Variants in PTPRT observed in about 807,000 individuals in gnomAD.
PTPRT encodes the protein receptor-type tyrosine-protein phosphatase T.
Under a neutral mutation model 176.8 loss-of-function variants are expected in PTPRT, and 56 were observed. That is an observed-to-expected ratio of 0.32 (90% confidence interval 0.26 to 0.40). PTPRT has a LOEUF of 0.40. PTPRT is among the 10% of genes least tolerant of loss of function. The pLI is 1.00. For missense variants in PTPRT, 1,540 were observed against 1,908.2 expected, an observed-to-expected ratio of 0.81 and a Z score of 3.60; for synonymous variants, 783 against 739.0, an observed-to-expected ratio of 1.06 and a Z score of -0.96.
rs2014593893 is a variant in PTPRT at position 43,158,577 on chromosome 20, TC to T, written c.88+31068del. Among the ~76,000 whole-genome samples the T allele has an allele frequency of 2.0e-5, 3 of 152,140 alleles. No individual in the cohort carries two copies. In the South Asian group the frequency reaches 6.2e-4, roughly 31 times the overall value. ...TTCATCTCCCCCATTCTGTTCGTGCTCCCATCAAAACTTCCTATGACCCCAA... is the reference window on the plus strand; with the variant it reads ...TTCATCTCCCCCATTCTGTTCGTGCTCCATCAAAACTTCCTATGACCCCAA... On this transcript the variant is annotated intron_variant, in intron 1 of 30. Coordinates refer to ENST00000373187, the MANE Select transcript of PTPRT (RefSeq NM_007050.6).
intron 9 of PTPRT, among the ~76,000 whole-genome samples, chr20:42,352,693 T>C (rs561988539): frequency 2.0e-4 from 30 of 152,306 alleles, no homozygotes; most frequent in Non-Finnish European, 3.1e-4. Flanking sequence ...AATTTAACTG[T>C]ACATTTTAAA....
At chr20:42,932,037 C>A (rs1264190448) in intron 1 of PTPRT, among the ~76,000 whole-genome samples, 1 of 152,206 alleles carries the variant, frequency 6.6e-6, no homozygotes, top group African/African-American at 2.4e-5. Flanking sequence ...ATGCCACACA[C>A]GGGCCTGGCT....
chr20:42,280,529 A>C (rs959406572), intron 13 of PTPRT, among the ~76,000 whole-genome samples: 1 of 152,188 alleles, frequency 6.6e-6, no homozygotes, highest in African/African-American at 2.4e-5. Context: ...GGGCTTGGAC[A>C]GCTGGGCATT....
intron 1 of PTPRT, among the ~76,000 whole-genome samples, chr20:42,967,479 A>G (rs1304041884): frequency 6.6e-6 from 1 of 152,154 alleles, no homozygotes; most frequent in Non-Finnish European, 1.5e-5. Context: ...GAACGCTGAC[A>G]GCCACCAGAA....
At chr20:42,309,083 G>C (rs368224835) in intron 12 of PTPRT, among the ~76,000 whole-genome samples, 2 of 152,108 alleles carry the variant, frequency 1.3e-5, no homozygotes, top group African/African-American at 4.8e-5. Context: ...CATCATCCAG[G>C]TTAAATGTAC....
intron 7 of PTPRT, among the ~76,000 whole-genome samples, chr20:42,622,130 G>T (rs1247837969): frequency 1.3e-5 from 2 of 152,146 alleles, no homozygotes; most frequent in African/African-American, 4.8e-5. Context: ...AAAATATATT[G>T]TTCCTCTACC....
At chr20:42,373,455 C>G (rs1436990813) in intron 9 of PTPRT, among the ~76,000 whole-genome samples, 1 of 152,156 alleles carries the variant, frequency 6.6e-6, no homozygotes, top group Admixed American at 6.5e-5. Flanking sequence ...TTGACAAGAA[C>G]TCTCAGAGGG....
chr20:43,189,722 G>A lies in PTPRT; in HGVS notation c.12C>T (p.Leu4=). The change falls in exon 1 of 31, where the codon CTC becomes CTT. Residue 4 remains leucine (L), a synonymous_variant. Coordinates refer to ENST00000373187, the MANE Select transcript of PTPRT (RefSeq NM_007050.6). The surrounding 1 kb of genome is among the most constrained non-coding windows in gnomAD (Gnocchi z 5.0). ...GGAGCAGGCTGAGGGCGAGCGCGGC[G>A]AGGCTCGCCATCCGGGCGGCGGCGG... is the stretch of plus-strand genomic sequence containing the variant. MAS[L]AALALSLLLR... The A allele has an allele frequency of 7.9e-7, 1 of 1,257,882 alleles. No homozygotes were observed. Among genetic ancestry groups the A allele is most frequent in the Non-Finnish European group, 1.0e-6 (1 of 1,003,428 alleles). 77.9% of individuals were successfully genotyped at this position (1,257,882 alleles called of 1,614,324 possible).
chr20:42,206,881 T>G (rs1267025949), intron 15 of PTPRT, among the ~76,000 whole-genome samples: 1 of 152,174 alleles, frequency 6.6e-6, no homozygotes, highest in African/African-American at 2.4e-5. Flanking sequence ...TCTGCAGACT[T>G]AAATGTCCCT....
At chr20:42,209,948 C>T (rs986954281) in intron 15 of PTPRT, among the ~76,000 whole-genome samples, 1 of 152,176 alleles carries the variant, frequency 6.6e-6, no homozygotes, top group Non-Finnish European at 1.5e-5. Context: ...GCTTATCCAC[C>T]ATGATCAAGT....
intron 16 of PTPRT, among the ~76,000 whole-genome samples, chr20:42,196,667 C>G (rs550454640): frequency 2.0e-5 from 3 of 152,310 alleles, no homozygotes; most frequent in African/African-American, 7.2e-5. Context: ...AGCCCATTTT[C>G]TTGTCAACCC....
At chr20:42,125,970 A>C (rs933312292) in intron 19 of PTPRT, among the ~76,000 whole-genome samples, 1 of 144,692 alleles carries the variant, frequency 6.9e-6, no homozygotes, top group Non-Finnish European at 1.5e-5. Context: ...AACCTGCATC[A>C]ATATATGCTG....
chr20:43,125,791 A>G (rs1268601509), intron 1 of PTPRT, among the ~76,000 whole-genome samples: 1 of 152,240 alleles, frequency 6.6e-6, no homozygotes, highest in Non-Finnish European at 1.5e-5. Context: ...GTCATAATCC[A>G]CAGATTCTGG....
intron 25 of PTPRT, among the ~76,000 whole-genome samples, chr20:42,103,186 TCTTA>T (rs1199810542): frequency 2.6e-5 from 4 of 152,192 alleles, no homozygotes; most frequent in Non-Finnish European, 5.9e-5. Flanking sequence ...TCTGGCTTTA[TCTTA>T]CTTAGTGATT....
downstream of PTPRT, among the ~76,000 whole-genome samples, chr20:42,072,264 C>CTCTATT (rs1227582902): frequency 6.6e-6 from 1 of 152,198 alleles, no homozygotes; most frequent in Non-Finnish European, 1.5e-5. Flanking sequence ...GAGCCCTTAG[C>CTCTATT]CAACACATGA....
At chr20:43,065,964 C>T (rs2011108559) in intron 1 of PTPRT, among the ~76,000 whole-genome samples, 1 of 152,158 alleles carries the variant, frequency 6.6e-6, no homozygotes, top group Non-Finnish European at 1.5e-5. Context: ...CTGTCCCTGA[C>T]TCTATCACTC....
chr20:42,041,702 G>A, the PTPRT span, among the ~76,000 whole-genome samples: 5 of 151,992 alleles, frequency 3.3e-5, no homozygotes, highest in Admixed American at 1.3e-4. Context: ...CGTATAATGG[G>A]GGCAATAATA....
At chr20:42,561,217 G>A (rs968620121) in intron 7 of PTPRT, among the ~76,000 whole-genome samples, 1 of 152,184 alleles carries the variant, frequency 6.6e-6, no homozygotes, top group Non-Finnish European at 1.5e-5. Flanking sequence ...TTTCCTTAGA[G>A]GCTACCATGA....
chr20:42,269,773 G>C (rs1019001215), intron 13 of PTPRT, among the ~76,000 whole-genome samples: 6 of 152,228 alleles, frequency 3.9e-5, no homozygotes, highest in Non-Finnish European at 8.8e-5. Context: ...GCCCCATAAG[G>C]GGTAGGTGGG....
Sources: gnomAD v4.1 joint callset for allele counts (sites outside exome capture counted in the v4.1 genomes callset) on GRCh38, gnomAD v4.1.1 for gene constraint, Gnocchi (gnomAD v3.1) non-coding constraint, MANE v1.5 for transcripts, NCBI Gene and HGNC (gene_info 2026-07-23, HGNC 2026-07-21) for gene names.